The following NOL4 variants were observed in gnomAD, a reference collection of about 807,000 sequenced individuals.
NOL4 encodes the protein cancer/testis antigen 125.
In NOL4, 17 loss-of-function variants were observed where a neutral mutation model predicts 75.9. The ratio of observed to expected loss-of-function variants is 0.22; its 90% CI spans 0.15 to 0.34. The LOEUF (loss-of-function observed/expected upper bound fraction) is 0.34, where lower values mean the gene tolerates loss of function less well. NOL4 is among the 10% of genes least tolerant of loss of function. The probability of loss-of-function intolerance (pLI) is 1.00; values close to 1 mark genes in which losing one functional copy is unlikely to be tolerated. For missense variants in NOL4, 614 were observed against 793.5 expected (o/e 0.77, Z 2.72); for synonymous variants, 292 against 289.9 (o/e 1.01, Z -0.07).
intron 6 of NOL4, among the ~76,000 whole-genome samples, chr18:33,998,421 A>G (rs2073446648): frequency 6.6e-6 from 1 of 152,084 alleles, no homozygotes; most frequent in South Asian, 2.1e-4. Context: ...CCCCAGTATT[A>G]TATACCTTTT....
At chr18:33,894,957 T>C (rs1157204086) in intron 9 of NOL4, among the ~76,000 whole-genome samples, 2 of 152,018 alleles carry the variant, frequency 1.3e-5, no homozygotes, top group Non-Finnish European at 2.9e-5. Context: ...TCGTAATAAC[T>C]CAGAGAGTGA....
chr18:33,992,721 T>G (rs1016292285), intron 6 of NOL4, among the ~76,000 whole-genome samples: 6 of 151,952 alleles, frequency 3.9e-5, no homozygotes, highest in African/African-American at 1.4e-4. Context: ...TCTAGGTAAA[T>G]GTAGTCAAAG....
intron 2 of NOL4, among the ~76,000 whole-genome samples, chr18:34,117,474 A>G (rs573522019): frequency 3.9e-5 from 6 of 152,344 alleles, no homozygotes; most frequent in Admixed American, 2.6e-4. Context: ...GAAGTTCTTT[A>G]TAAGTGTAAA....
chr18:34,139,487 G>A (rs947658088), intron 1 of NOL4, among the ~76,000 whole-genome samples: 7 of 152,296 alleles, frequency 4.6e-5, no homozygotes, highest in African/African-American at 1.7e-4. Context: ...AGTATTCTCT[G>A]ATGGTAGTTT....
At chr18:34,180,634 T>G (rs1044652336) in intron 1 of NOL4, among the ~76,000 whole-genome samples, 8 of 151,090 alleles carry the variant, frequency 5.3e-5, no homozygotes, top group Non-Finnish European at 1.0e-4. Context: ...GCAAGAAAAA[T>G]AAAAGCATCC....
intron 1 of NOL4, among the ~76,000 whole-genome samples, chr18:34,174,361 A>G (rs952862328): frequency 1.3e-5 from 2 of 152,156 alleles, no homozygotes; most frequent in African/African-American, 4.8e-5. Context: ...AAAAACTCTT[A>G]ATTTATCAAA....
chr18:33,933,656 CT>C (rs1278419066), intron 9 of NOL4, among the ~76,000 whole-genome samples: 3 of 152,136 alleles, frequency 2.0e-5, no homozygotes, highest in Admixed American at 2.0e-4. Flanking sequence ...TAAAAAGCAA[CT>C]TTTCATCCAC....
At chr18:33,907,839 T>C (rs192623568) in intron 9 of NOL4, among the ~76,000 whole-genome samples, 3 of 152,348 alleles carry the variant, frequency 2.0e-5, no homozygotes, top group Admixed American at 2.0e-4. Context: ...ATATTTATTT[T>C]GTCTATATAT....
chr18:33,901,543 T>C (rs529792969), intron 9 of NOL4, among the ~76,000 whole-genome samples: 133 of 152,214 alleles, frequency 8.7e-4, no homozygotes, highest in Non-Finnish European at 1.1e-3. Flanking sequence ...TTTCAATTGA[T>C]AAATAGGTGC....
At chr18:33,893,915 T>C (rs1489872014) in intron 9 of NOL4, among the ~76,000 whole-genome samples, 2 of 152,112 alleles carry the variant, frequency 1.3e-5, no homozygotes, top group African/African-American at 4.8e-5. Flanking sequence ...AGTAAACAAG[T>C]GGATAATGAA....
At chr18:33,932,415 A>C (rs1340688332) in intron 9 of NOL4, among the ~76,000 whole-genome samples, 1 of 152,022 alleles carries the variant, frequency 6.6e-6, no homozygotes, top group Non-Finnish European at 1.5e-5. Flanking sequence ...AATAAACTAA[A>C]ATTCATCTTT....
intron 5 of NOL4, among the ~76,000 whole-genome samples, chr18:34,019,978 CT>C (rs1568227008): frequency 6.6e-6 from 1 of 151,658 alleles, no homozygotes; most frequent in Non-Finnish European, 1.5e-5. Flanking sequence ...AGCCTGGCAC[CT>C]CTTCTCTCTC....
intron 9 of NOL4, among the ~76,000 whole-genome samples, chr18:33,934,149 CT>C (rs141762009): frequency 0.056 from 8,424 of 149,818 alleles, 236 homozygotes; most frequent in African/African-American, 0.088. Context: ...TGAAAGGAAT[CT>C]TTTTTTTTTA....
At chr18:33,874,113 G>T (rs898304554) in intron 10 of NOL4, among the ~76,000 whole-genome samples, 2 of 151,856 alleles carry the variant, frequency 1.3e-5, no homozygotes, top group African/African-American at 2.4e-5. Context: ...GATTGGGGTT[G>T]TTATGCACAT....
chr18:34,075,487 A>T (rs80293503), intron 5 of NOL4, among the ~76,000 whole-genome samples: 268 of 152,228 alleles, frequency 1.8e-3, no homozygotes, highest in African/African-American at 6.4e-3. Context: ...TTGTCACATG[A>T]GGTCAGGTTT....
chr18:34,014,606 T>C (rs1568216554), intron 6 of NOL4, among the ~76,000 whole-genome samples: 1 of 151,996 alleles, frequency 6.6e-6, no homozygotes, highest in Non-Finnish European at 1.5e-5. Context: ...ATTTTCTATA[T>C]AGCTAATCCC....
intron 10 of NOL4, among the ~76,000 whole-genome samples, chr18:33,879,577 A>T (rs1056373329): frequency 6.6e-6 from 1 of 152,064 alleles, no homozygotes; most frequent in Non-Finnish European, 1.5e-5. Context: ...ACTACTCTGG[A>T]GGCTGAGATG....
intron 1 of NOL4, among the ~76,000 whole-genome samples, chr18:34,177,760 G>GA (rs1377172797): frequency 6.6e-6 from 1 of 151,792 alleles, no homozygotes; most frequent in Admixed American, 6.6e-5. Context: ...TCTATATCCA[G>GA]AAAATCTATT....
intron 1 of NOL4, among the ~76,000 whole-genome samples, chr18:34,154,544 T>C (rs1028286859): frequency 6.6e-6 from 1 of 152,064 alleles, no homozygotes; most frequent in Non-Finnish European, 1.5e-5. Flanking sequence ...TAGTATTGCA[T>C]AGTAAAATAT....
Sources: gnomAD v4.1 joint callset for allele counts (sites outside exome capture counted in the v4.1 genomes callset) on GRCh38, gnomAD v4.1.1 for gene constraint, MANE v1.5 for transcripts, NCBI Gene and HGNC (gene_info 2026-07-23, HGNC 2026-07-21) for gene names.